ERC2: variants seen among roughly 807,000 people sequenced by gnomAD.
ERC2 encodes ELKS/RAB6-interacting/CAST family member 2.
ERC2 carries 42 observed loss-of-function variants against 114.8 expected under a neutral mutation model. That is an observed-to-expected ratio of 0.37 (90% confidence interval 0.29 to 0.47). The LOEUF (loss-of-function observed/expected upper bound fraction) is 0.47. Ranked by LOEUF, ERC2 falls within the 20% of genes least tolerant of loss-of-function variation. The pLI is 0.99. For missense variants in ERC2, 939 were observed against 1,150.7 expected, an observed-to-expected ratio of 0.82 and a Z score of 2.66; for synonymous variants, 454 against 425.5, an observed-to-expected ratio of 1.07 and a Z score of -0.82.
chr3:56,409,067 T>A (rs1330315569), intron 2 of ERC2, among the ~76,000 whole-genome samples: 1 of 152,204 alleles, frequency 6.6e-6, no homozygotes, highest in Non-Finnish European at 1.5e-5. Context: ...GCTCCTGTGT[T>A]CCTGGAGGCC....
rs1466140080 is a variant in ERC2 at position 56,081,118 on chromosome 3, C to A, written c.1474-134G>T. 16 of 829,390 alleles carry A rather than the reference C, an allele frequency of 1.9e-5. No homozygotes were observed. In the East Asian group the frequency reaches 2.9e-4, roughly 15 times the overall value. The allele number at this position is 829,390 out of a possible 1,614,324, so 51.4% of individuals were successfully genotyped here. A position where few individuals can be genotyped will look rare whatever the true frequency, so the allele number is the denominator to read the frequency against. ...CACAATGGAACCACTGCTCATGGCACCTCACTGCCCTGCATTTTAACAGCC... is the reference window on the plus strand; with the variant it reads ...CACAATGGAACCACTGCTCATGGCAACTCACTGCCCTGCATTTTAACAGCC... On this transcript the variant is annotated intron_variant, in intron 6 of 17. Coordinates refer to ENST00000288221, the MANE Select transcript of ERC2 (RefSeq NM_015576.3).
At position 55,509,528 on chromosome 3, in the gene ERC2, T is replaced by G. The variant is rs2051948984; in HGVS notation, c.*1788A>C. On this transcript the variant is annotated 3_prime_UTR_variant, in exon 18 of 18. Transcript: ENST00000288221. ...CTTTTAAAACATGAATGCATTTGGATTGTTTATGCAACACATAAGCATTAC... is the reference window on the plus strand; with the variant it reads ...CTTTTAAAACATGAATGCATTTGGAGTGTTTATGCAACACATAAGCATTAC... 1 of 152,508 alleles carries G rather than the reference T, an allele frequency of 6.6e-6. No individual in the cohort carries two copies. The highest frequency in any genetic ancestry group is 2.4e-5 in the African/African-American group (1 of 41,466). 9.4% of individuals were successfully genotyped at this position (152,508 alleles called of 1,614,324 possible). A position where few individuals can be genotyped will look rare whatever the true frequency, so the allele number is the denominator to read the frequency against.
rs562059976 is a variant in ERC2, at chr3:56,384,142, T to G, written c.657+50209A>C. ...GATTGCTTCTATCTTTTGGCCATGGTGAATAATGCTGCTATGAACATGGGT... is the reference window on the plus strand; with the variant it reads ...GATTGCTTCTATCTTTTGGCCATGGGGAATAATGCTGCTATGAACATGGGT... On this transcript the variant is annotated intron_variant, in intron 2 of 17. Coordinates refer to ENST00000288221, the MANE Select transcript of ERC2 (RefSeq NM_015576.3). Among the ~76,000 whole-genome samples the G allele has an allele frequency of 3.3e-5, 5 of 152,306 alleles. No individual in the cohort carries two copies. The South Asian group carries it at 8.3e-4, about 25-fold the overall frequency.
chr3:56,199,250 C>G lies in ERC2; in HGVS notation c.1075-25730G>C, dbSNP rs548049232. Among the ~76,000 whole-genome samples the G allele has an allele frequency of 3.3e-5, 5 of 152,100 alleles. No individual in the cohort carries two copies. The East Asian group carries it at 5.8e-4, about 18-fold the overall frequency. On this transcript the variant is annotated intron_variant, in intron 3 of 17. Transcript: ENST00000288221. ...TACTGAGAATACAAGATTAGAGAAGCCTTCTCTTAACAGGTGACATTTAAA... is the reference window on the plus strand; with the variant it reads ...TACTGAGAATACAAGATTAGAGAAGGCTTCTCTTAACAGGTGACATTTAAA...
At chr3:55,703,936 G>A (rs1283419664) in intron 15 of ERC2, among the ~76,000 whole-genome samples, 1 of 152,160 alleles carries the variant, frequency 6.6e-6, no homozygotes, top group Non-Finnish European at 1.5e-5. Context: ...TGGACCCAGT[G>A]CAATACTCTA....
At chr3:56,018,080 G>T (rs1161894563) in intron 8 of ERC2, among the ~76,000 whole-genome samples, 3 of 152,106 alleles carry the variant, frequency 2.0e-5, no homozygotes, top group Non-Finnish European at 4.4e-5. Flanking sequence ...ACATAACGGG[G>T]ATACCTAGGA....
chr3:55,834,978 G>A (rs902118451), intron 14 of ERC2, among the ~76,000 whole-genome samples: 3 of 150,852 alleles, frequency 2.0e-5, no homozygotes, highest in East Asian at 1.9e-4. Context: ...ACACCTCTAC[G>A]CAAATAAACT....
chr3:56,191,391 G>A (rs572248020), intron 3 of ERC2, among the ~76,000 whole-genome samples: 4 of 152,200 alleles, frequency 2.6e-5, no homozygotes, highest in Admixed American at 6.5e-5. Flanking sequence ...TCTGGCACAC[G>A]GCTGAAATAA....
At chr3:56,255,163 T>C (rs2052433296) in intron 3 of ERC2, among the ~76,000 whole-genome samples, 1 of 152,244 alleles carries the variant, frequency 6.6e-6, no homozygotes, top group Non-Finnish European at 1.5e-5. Context: ...CTCCATCTTT[T>C]CATCTACCTC....
At chr3:56,094,200 G>C (rs576857701) in intron 6 of ERC2, among the ~76,000 whole-genome samples, 2 of 152,212 alleles carry the variant, frequency 1.3e-5, no homozygotes, top group Non-Finnish European at 2.9e-5. Flanking sequence ...GGGTAAGAAA[G>C]GTTTGAGTGT....
chr3:55,550,282 G>A (rs2055078148), intron 17 of ERC2, among the ~76,000 whole-genome samples: 1 of 151,968 alleles, frequency 6.6e-6, no homozygotes, highest in Admixed American at 6.5e-5. Context: ...TAAAATCATG[G>A]TCCTTTCCTT....
At chr3:55,899,469 T>G (rs2064011543) in intron 13 of ERC2, among the ~76,000 whole-genome samples, 1 of 152,050 alleles carries the variant, frequency 6.6e-6, no homozygotes, top group African/African-American at 2.4e-5. Context: ...TTCAAAAAAA[T>G]TAGTTACAAA....
chr3:55,593,545 C>T (rs1395651217), intron 17 of ERC2, among the ~76,000 whole-genome samples: 1 of 152,212 alleles, frequency 6.6e-6, no homozygotes, highest in Non-Finnish European at 1.5e-5. Context: ...AAACATCTCT[C>T]ACTTTCATTA....
chr3:55,728,380 T>C (rs1483510956), intron 15 of ERC2, among the ~76,000 whole-genome samples: 1 of 152,200 alleles, frequency 6.6e-6, no homozygotes, highest in African/African-American at 2.4e-5. Context: ...GCTTGGCAGA[T>C]TTGACCCAAT....
At chr3:55,798,590 T>G (rs2070710734) in intron 14 of ERC2, among the ~76,000 whole-genome samples, 1 of 150,146 alleles carries the variant, frequency 6.7e-6, no homozygotes. Flanking sequence ...AGAGCAAGAC[T>G]TCGTTTCAAA....
chr3:56,116,734 C>T (rs1410502614), intron 6 of ERC2, among the ~76,000 whole-genome samples: 2 of 152,106 alleles, frequency 1.3e-5, no homozygotes. Flanking sequence ...TATTATCCTT[C>T]AAATCCTGGT....
chr3:56,057,635 G>A (rs1189587382), intron 7 of ERC2, among the ~76,000 whole-genome samples: 1 of 152,178 alleles, frequency 6.6e-6, no homozygotes, highest in Non-Finnish European at 1.5e-5. Context: ...TCACTGACAT[G>A]TGGGTGTTGT....
chr3:56,339,234 C>T (rs563323262), intron 2 of ERC2, among the ~76,000 whole-genome samples: 1 of 152,142 alleles, frequency 6.6e-6, no homozygotes, highest in Non-Finnish European at 1.5e-5. Flanking sequence ...TATGGGAGTG[C>T]GCCATCATAC....
chr3:56,114,758 T>G (rs1348989506), intron 6 of ERC2, among the ~76,000 whole-genome samples: 2 of 152,232 alleles, frequency 1.3e-5, no homozygotes, highest in African/African-American at 4.8e-5. Context: ...CAACTCCATC[T>G]TGCCTTTAAC....
Sources: gnomAD v4.1 joint callset for allele counts (sites outside exome capture counted in the v4.1 genomes callset) on GRCh38, gnomAD v4.1.1 for gene constraint, MANE v1.5 for transcripts, NCBI Gene and HGNC (gene_info 2026-07-23, HGNC 2026-07-21) for gene names.